Variants in EPHA3 observed in about 807,000 individuals in gnomAD.
The protein encoded by EPHA3 is EPH receptor A3, also known as ephrin type-A receptor 3.
Under a neutral mutation model 107.1 loss-of-function variants are expected in EPHA3, and 42 were observed. The observed-to-expected ratio is 0.39, with a 90% confidence interval of 0.31 to 0.51. The LOEUF is 0.51. Among genes scored for constraint, EPHA3 ranks in the 20% least tolerant of loss-of-function variants. The pLI is 0.78. For synonymous variants in EPHA3, 461 were observed against 424.8 expected (o/e 1.09, Z -1.05); for missense variants, 1,183 against 1,211.2 (o/e 0.98, Z 0.35).
chr3:89,174,226 G>A (rs571078538), intron 2 of EPHA3, among the ~76,000 whole-genome samples: 21 of 152,080 alleles, frequency 1.4e-4, no homozygotes, highest in African/African-American at 4.1e-4. Context: ...TTAGGTTTCC[G>A]TGATACTAGG....
At chr3:89,424,129 C>G (rs1455923846) in intron 11 of EPHA3, among the ~76,000 whole-genome samples, 4 of 151,080 alleles carry the variant, frequency 2.6e-5, no homozygotes, top group Non-Finnish European at 5.9e-5. Flanking sequence ...AATGCATAAA[C>G]AAAAATTTAA....
chr3:89,412,073 T>A (rs1305930654), intron 9 of EPHA3, among the ~76,000 whole-genome samples: 3 of 151,884 alleles, frequency 2.0e-5, no homozygotes, highest in African/African-American at 7.2e-5. Context: ...ACCATAGGAG[T>A]TACATTGCAA....
chr3:89,412,130 A>G (rs375216263), intron 9 of EPHA3, among the ~76,000 whole-genome samples: 1 of 151,822 alleles, frequency 6.6e-6, no homozygotes, highest in South Asian at 2.1e-4. Flanking sequence ...TAGATCTTAG[A>G]ATCACTTTTT....
chr3:89,431,694 T>A (rs910760198), intron 13 of EPHA3, among the ~76,000 whole-genome samples: 4 of 152,248 alleles, frequency 2.6e-5, no homozygotes, highest in Admixed American at 6.5e-5. Context: ...ATTGGATAAA[T>A]TCTAAGGACC....
chr3:89,458,434 C>T (rs759036264), intron 15 of EPHA3, among the ~76,000 whole-genome samples: 32 of 151,890 alleles, frequency 2.1e-4, no homozygotes, highest in Non-Finnish European at 3.8e-4. Context: ...TAGATTCAAA[C>T]GGTATTAACA....
At chr3:89,316,503 G>GT (rs1559644285) in intron 3 of EPHA3, among the ~76,000 whole-genome samples, 16 of 82,560 alleles carry the variant, frequency 1.9e-4, no homozygotes, top group Admixed American at 6.5e-4. Flanking sequence ...GTGTGTGTGT[G>GT]TAATATATAT....
intron 3 of EPHA3, among the ~76,000 whole-genome samples, chr3:89,237,360 G>A: frequency 6.6e-6 from 1 of 152,148 alleles, no homozygotes; most frequent in Non-Finnish European, 1.5e-5. Context: ...GACAAAGCGA[G>A]ATTCTGACTC....
At chr3:89,363,870 G>T (rs139553765) in intron 5 of EPHA3, among the ~76,000 whole-genome samples, 31 of 150,502 alleles carry the variant, frequency 2.1e-4, no homozygotes, top group African/African-American at 7.3e-4. Context: ...CTTTTTTTAG[G>T]TTTTTCTTGG....
chr3:89,404,633 G>T (rs1709023000), intron 7 of EPHA3, among the ~76,000 whole-genome samples: 1 of 152,140 alleles, frequency 6.6e-6, no homozygotes, highest in South Asian at 2.1e-4. Context: ...TCACATATTT[G>T]CTAATTTTAG....
At chr3:89,324,031 G>A (rs192879930) in intron 3 of EPHA3, among the ~76,000 whole-genome samples, 3 of 151,558 alleles carry the variant, frequency 2.0e-5, no homozygotes, top group Admixed American at 2.0e-4. Context: ...ATTTCCTATT[G>A]GCTAACTCAA....
rs115185528 is a variant in EPHA3, at chr3:89,385,474, C to A, written c.1307-10363C>A. 5.8e-3 allele frequency among the ~76,000 whole-genome samples: 883 copies of A among 152,286 alleles called. 8 individuals carry two copies. Among genetic ancestry groups the A allele is most frequent in the African/African-American group, 0.017 (696 of 41,556 alleles). On this transcript the variant is annotated intron_variant, in intron 5 of 16. Transcript: ENST00000336596. Reference sequence around the variant, plus strand: ...CTTTTCTCCCTTTTGCTTGGCACTTCTACTTCCTGCTGCCATGTGAAGGAC... The same window carrying A: ...CTTTTCTCCCTTTTGCTTGGCACTTATACTTCCTGCTGCCATGTGAAGGAC...
chr3:89,389,959 T>C (rs1292648724), intron 5 of EPHA3, among the ~76,000 whole-genome samples: 1 of 152,216 alleles, frequency 6.6e-6, no homozygotes, highest in African/African-American at 2.4e-5. Context: ...GAAAAAGTTC[T>C]TCTCTACTTC....
rs566067090 is a variant in EPHA3, at chr3:89,466,835, C to T, written c.2691-5629C>T. Among the ~76,000 whole-genome samples the T allele has an allele frequency of 1.0e-4, 10 of 95,598 alleles. 3 individuals carry two copies. Among genetic ancestry groups the T allele is most frequent in the African/African-American group, 3.7e-4 (10 of 26,838 alleles). 62.7% of individuals were successfully genotyped at this position (95,598 alleles called of 152,430 possible). ...GCTGTAGACCGGAGCTGTTCCTATT[C>T]GGCCATCTTGGCTCCTCCCTCCTGT... On this transcript the variant is annotated intron_variant, in intron 15 of 16. Coordinates refer to ENST00000336596, the MANE Select transcript of EPHA3 (RefSeq NM_005233.6).
chr3:89,290,401 G>A (rs1479122021), intron 3 of EPHA3, among the ~76,000 whole-genome samples: 1 of 151,970 alleles, frequency 6.6e-6, no homozygotes, highest in African/African-American at 2.4e-5. Flanking sequence ...GAATTGTGTG[G>A]GGAGGAAAAC....
chr3:89,144,346 C>G (rs1434877852), intron 2 of EPHA3, among the ~76,000 whole-genome samples: 1 of 151,658 alleles, frequency 6.6e-6, no homozygotes, highest in African/African-American at 2.4e-5. Flanking sequence ...CACATCTTTT[C>G]ACATATGATG....
intron 1 of EPHA3, among the ~76,000 whole-genome samples, chr3:89,123,384 C>T (rs1048666314): frequency 1.5e-4 from 23 of 152,268 alleles, no homozygotes; most frequent in African/African-American, 5.5e-4. Flanking sequence ...CTCTGGTGAT[C>T]CACTTGCCTT....
chr3:89,204,573 A>G (rs1419839330), intron 2 of EPHA3, among the ~76,000 whole-genome samples: 1 of 150,350 alleles, frequency 6.7e-6, no homozygotes, highest in African/African-American at 2.5e-5. Flanking sequence ...TGATCTTTTT[A>G]TAATATACCT....
intron 2 of EPHA3, among the ~76,000 whole-genome samples, chr3:89,176,964 C>G (rs1406848254): frequency 6.6e-6 from 1 of 152,068 alleles, no homozygotes; most frequent in Non-Finnish European, 1.5e-5. Flanking sequence ...AACACAGCCA[C>G]ATACAGGACA....
At chr3:89,165,522 T>C (rs1475373068) in intron 2 of EPHA3, among the ~76,000 whole-genome samples, 1 of 152,252 alleles carries the variant, frequency 6.6e-6, no homozygotes, top group East Asian at 1.9e-4. Flanking sequence ...TAAAAACTTC[T>C]GTGCTCTTCT....
Sources: gnomAD v4.1 joint callset for allele counts (sites outside exome capture counted in the v4.1 genomes callset) on GRCh38, gnomAD v4.1.1 for gene constraint, MANE v1.5 for transcripts, NCBI Gene and HGNC (gene_info 2026-07-23, HGNC 2026-07-21) for gene names.